The following ITGB8 variants were observed in gnomAD, a reference collection of about 807,000 sequenced individuals.
The protein encoded by ITGB8 is integrin subunit beta 8, also known as integrin beta-8.
In ITGB8, 30 loss-of-function variants were observed where a neutral mutation model predicts 89.5. The ratio of observed to expected loss-of-function variants is 0.34; its 90% CI spans 0.25 to 0.45. The LOEUF is 0.45. Among genes scored for constraint, ITGB8 ranks in the 20% least tolerant of loss-of-function variants. The pLI, the probability that ITGB8 is intolerant of heterozygous loss-of-function variation, is 1.00. For synonymous variants in ITGB8, 335 were observed against 320.4 expected, an observed-to-expected ratio of 1.05 and a Z score of -0.49; for missense variants, 836 against 933.3, an observed-to-expected ratio of 0.90 and a Z score of 1.36.
intron 1 of ITGB8, among the ~76,000 whole-genome samples, chr7:20,347,880 T>C (rs1250112888): frequency 1.3e-5 from 2 of 151,840 alleles, no homozygotes; most frequent in African/African-American, 4.8e-5. Context: ...ACAAGGGGAG[T>C]TGCTTGAGAA....
rs772942592 is a variant in ITGB8, at chr7:20,367,022, C to T, written c.224C>T (p.Ser75Leu). The T allele has an allele frequency of 1.2e-6, 2 of 1,606,126 alleles. No homozygotes were observed. The highest frequency in any genetic ancestry group is 4.5e-5 in the East Asian group (2 of 44,756). The change falls in exon 3 of 14, where the codon TCA (serine) becomes TTA (leucine). Residue 75 changes from serine (S) to leucine (L), a missense_variant. Ser to Leu is a moderately radical substitution (Grantham distance 145). Transcript: ENST00000222573. ...CGWCVQEDFI[S>L]GGSRSERCDI... Reference sequence around the variant, plus strand: ...CTTTCTTTTAAACAGGATTTCATTTCAGGTGGATCAAGAAGTGAACGTTGT... The same window carrying T: ...CTTTCTTTTAAACAGGATTTCATTTTAGGTGGATCAAGAAGTGAACGTTGT...
intron 1 of ITGB8, among the ~76,000 whole-genome samples, chr7:20,336,000 C>T (rs75748009): frequency 1.6e-3 from 153 of 96,334 alleles, no homozygotes; most frequent in Middle Eastern, 0.011. Flanking sequence ...TCTTGGTTTT[C>T]TTTTTTTTTT....
In ITGB8 at chr7:20,390,170, T is replaced by C. The variant is rs572112612; in HGVS notation, c.961-1233T>C. 2.6e-5 allele frequency among the ~76,000 whole-genome samples: 4 copies of C among 152,260 alleles called. No individual in the cohort carries two copies. In the East Asian group the frequency reaches 7.7e-4, roughly 29 times the overall value. On this transcript the variant is annotated intron_variant, in intron 6 of 13. Transcript: ENST00000222573. ...TTCCTTAAAGAAAATACAGTTAACATTGGAGAGTGCAGTGGGAAGCAAAAA... is the reference window on the plus strand; with the variant it reads ...TTCCTTAAAGAAAATACAGTTAACACTGGAGAGTGCAGTGGGAAGCAAAAA...
chr7:20,375,032 G>C (rs910649227), intron 3 of ITGB8, among the ~76,000 whole-genome samples: 1 of 152,178 alleles, frequency 6.6e-6, no homozygotes, highest in Non-Finnish European at 1.5e-5. Context: ...TGGCATGCTA[G>C]AGTTCAATTG....
At chr7:20,341,244 G>A (rs530278773) in intron 1 of ITGB8, among the ~76,000 whole-genome samples, 5 of 152,224 alleles carry the variant, frequency 3.3e-5, no homozygotes, top group African/African-American at 1.2e-4. Flanking sequence ...ATCATAAAGT[G>A]CAAAATAAAA....
In ITGB8 at chr7:20,402,119, G is replaced by C. The variant is rs1787339322; in HGVS notation, c.1680G>C (p.Leu560=). The C allele has an allele frequency of 1.9e-6, 3 of 1,608,994 alleles. No homozygotes were observed. The highest frequency in any genetic ancestry group is 2.5e-6 in the Non-Finnish European group (3 of 1,177,560). ...CTTGTCCATATCACCATGGAAATCT[G>C]TGTGCTGGTGAGTATAAATATATAC... The part of the protein sequence containing the change: ...DFSCPYHHGN[L]CAGHGECEAG... The change falls in exon 10 of 14, where the codon CTG becomes CTC. Residue 560 remains leucine, a synonymous_variant. Transcript: ENST00000222573.
chr7:20,386,916 G>T (rs2127968316), intron 6 of ITGB8, among the ~76,000 whole-genome samples: 1 of 152,194 alleles, frequency 6.6e-6, no homozygotes, highest in East Asian at 1.9e-4. Flanking sequence ...AAAAATCAAT[G>T]CATACCCTTC....
At chr7:20,381,631 C>T (rs1263983721) in intron 5 of ITGB8, 96 bp from the exon 6 acceptor site, 1 of 884,510 alleles carries the variant, frequency 1.1e-6, no homozygotes, top group Non-Finnish European at 1.8e-6. Flanking sequence ...GCCTGACTTA[C>T]TGTTCGTCAA....
Position 20,410,104 on chromosome 7 carries a change from C to A in ITGB8, c.*107C>A. 1 of 1,129,776 alleles carries A rather than the reference C, an allele frequency of 8.9e-7. No homozygotes were observed. 70.0% of individuals were successfully genotyped at this position (1,129,776 alleles called of 1,614,324 possible). A position where few individuals can be genotyped will look rare whatever the true frequency, so the allele number is the denominator to read the frequency against. On this transcript the variant is annotated 3_prime_UTR_variant, in exon 14 of 14. Coordinates refer to ENST00000222573, the MANE Select transcript of ITGB8 (RefSeq NM_002214.3). ...GGAGACAAATTGCTCACGGTCATGC[C>A]AGTTGCTGGTTGTACACTCGAACGA... is the stretch of plus-strand genomic sequence containing the variant.
At chr7:20,387,851 G>A (rs546347861) in intron 6 of ITGB8, among the ~76,000 whole-genome samples, 2 of 152,268 alleles carry the variant, frequency 1.3e-5, no homozygotes, top group East Asian at 3.9e-4. Flanking sequence ...ATCATTGAAA[G>A]TTTCATCTCT....
intron 6 of ITGB8, among the ~76,000 whole-genome samples, chr7:20,390,004 A>G (rs1360340961): frequency 6.6e-6 from 1 of 152,204 alleles, no homozygotes; most frequent in Admixed American, 6.5e-5. Context: ...TATCACAACA[A>G]TTATAGATGA....
chr7:20,331,741 C>T lies in ITGB8; in HGVS notation c.-66C>T. On this transcript the variant is annotated 5_prime_UTR_variant, in exon 1 of 14. Transcript: ENST00000222573. ...CGGCCCGCGGGCCCCGAGGTGCGCC[C>T]GGGAGGCGCGAGCCCGCGTCCGGAA... 6.5e-7 allele frequency: 1 copy of T among 1,530,234 alleles called. No homozygotes were observed. Among genetic ancestry groups the T allele is most frequent in the Non-Finnish European group, 8.8e-7 (1 of 1,137,462 alleles). The allele number at this position is 1,530,234 out of a possible 1,614,324, so 94.8% of individuals were successfully genotyped here. A position where few individuals can be genotyped will look rare whatever the true frequency, so the allele number is the denominator to read the frequency against.
intron 7 of ITGB8, among the ~76,000 whole-genome samples, chr7:20,391,718 G>A (rs1583527537): frequency 6.6e-6 from 1 of 152,156 alleles, no homozygotes; most frequent in African/African-American, 2.4e-5. Context: ...TCTGAGAACT[G>A]AGAATTGTAT....
At chr7:20,396,991 A>G (rs1194390296) in intron 8 of ITGB8, among the ~76,000 whole-genome samples, 1 of 152,206 alleles carries the variant, frequency 6.6e-6, no homozygotes, top group Non-Finnish European at 1.5e-5. Context: ...TGTTTATATT[A>G]TCAAAAATCT....
At chr7:20,349,722 C>T (rs190888233) in intron 1 of ITGB8, among the ~76,000 whole-genome samples, 226 of 152,270 alleles carry the variant, frequency 1.5e-3, no homozygotes, top group African/African-American at 5.1e-3. Flanking sequence ...TAAGATGTCA[C>T]TGGATTTTCT....
Position 20,381,000 on chromosome 7 carries a change from C to T in ITGB8, c.801+169C>T, listed in dbSNP as rs546113948. 34 of 565,398 alleles carry T rather than the reference C, an allele frequency of 6.0e-5. No individual in the cohort carries two copies. In the East Asian group the frequency reaches 1.0e-3, roughly 17 times the overall value. The allele number at this position is 565,398 out of a possible 1,614,324, so 35.0% of individuals were successfully genotyped here. A position where few individuals can be genotyped will look rare whatever the true frequency, so the allele number is the denominator to read the frequency against. On this transcript the variant is annotated intron_variant, in intron 5 of 13. Coordinates refer to ENST00000222573, the MANE Select transcript of ITGB8 (RefSeq NM_002214.3). The stretch of plus-strand genomic sequence containing the variant: ...GATTCATTTCGGTATGTGTTTGGGA[C>T]AGAGGGGCTAAATTCAGGGAGGGAT...
rs1787879380 is a variant in ITGB8, at chr7:20,414,898, T to G, written c.*4901T>G. On this transcript the variant is annotated 3_prime_UTR_variant, in exon 14 of 14. Transcript: ENST00000222573. ...GTTTCTTCTAGCCTCTGCAACCTAC[T>G]TCAGTTAGAATTGTCTAATACTGCT... 1 of 152,568 alleles carries G rather than the reference T, an allele frequency of 6.6e-6. No individual in the cohort carries two copies. The highest frequency in any genetic ancestry group is 2.1e-4 in the South Asian group (1 of 4,836). 9.5% of individuals were successfully genotyped at this position (152,568 alleles called of 1,614,324 possible). A position where few individuals can be genotyped will look rare whatever the true frequency, so the allele number is the denominator to read the frequency against.
chr7:20,337,832 T>C lies in ITGB8; in HGVS notation c.127+5899T>C, dbSNP rs577883510. Among the ~76,000 whole-genome samples the C allele has an allele frequency of 2.2e-3, 329 of 152,328 alleles. 3 individuals are homozygous for C. The highest frequency in any genetic ancestry group is 3.0e-3 in the Non-Finnish European group (207 of 68,014). Reference sequence around the variant, plus strand: ...ATGGGGCTTGCTCAAGTAAAGTCTGTCACCCCCTCTAGATCATCTCCAGAA... The same window carrying C: ...ATGGGGCTTGCTCAAGTAAAGTCTGCCACCCCCTCTAGATCATCTCCAGAA... On this transcript the variant is annotated intron_variant, in intron 1 of 13. Coordinates refer to ENST00000222573, the MANE Select transcript of ITGB8 (RefSeq NM_002214.3).
intron 6 of ITGB8, among the ~76,000 whole-genome samples, chr7:20,391,025 A>G (rs1786833706): frequency 6.6e-6 from 1 of 152,064 alleles, no homozygotes; most frequent in Admixed American, 6.6e-5. Context: ...TTGCAGTTCA[A>G]TACTTGTTAC....
Sources: allele counts gnomAD v4.1 joint callset (sites outside exome capture counted in the v4.1 genomes callset), GRCh38; gene constraint gnomAD v4.1.1; transcripts MANE v1.5; gene names NCBI Gene and HGNC (gene_info 2026-07-23, HGNC 2026-07-21).